The following AP4E1 variants were observed in gnomAD, a reference collection of about 807,000 sequenced individuals.
AP4E1 encodes the protein adaptor related protein complex 4 subunit epsilon 1, also known as AP-4 complex subunit epsilon-1.
In AP4E1, 56 loss-of-function variants were observed where a neutral mutation model predicts 128.2. The observed-to-expected ratio is 0.44, with a 90% confidence interval of 0.35 to 0.55. The LOEUF is 0.55. Ranked by LOEUF, AP4E1 falls within the 20% of genes least tolerant of loss-of-function variation. The probability of loss-of-function intolerance (pLI) is 0.00; values close to 1 mark genes in which losing one functional copy is unlikely to be tolerated. For synonymous variants in AP4E1, 484 were observed against 473.1 expected (o/e 1.02, Z -0.30); for missense variants, 1,324 against 1,307.7 (o/e 1.01, Z -0.19).
At chr15:50,996,178 AG>A (rs2064871141) in intron 17 of AP4E1, among the ~76,000 whole-genome samples, 1 of 106,272 alleles carries the variant, frequency 9.4e-6, no homozygotes, top group Non-Finnish European at 2.0e-5. Context: ...TTTTTTTTTC[AG>A]TAGAGACGGG....
At chr15:50,935,336 G>A (rs996554574) in intron 8 of AP4E1, among the ~76,000 whole-genome samples, 6 of 152,006 alleles carry the variant, frequency 3.9e-5, no homozygotes, top group African/African-American at 9.7e-5. Flanking sequence ...ATATATAGAC[G>A]TGGAATAATA....
chr15:50,980,118 T>C lies in AP4E1; in HGVS notation c.1967-3904T>C, dbSNP rs149984611. On this transcript the variant is annotated intron_variant, in intron 15 of 20. Transcript: ENST00000261842. ...TATTAAGTGTTCATGATCAGAAAGT[T>C]GTTAGAAATATGGGCTTCACTGTCT... Among the ~76,000 whole-genome samples, 326 of 152,302 alleles carry C rather than the reference T, an allele frequency of 2.1e-3. 2 individuals carry two copies. Among genetic ancestry groups the C allele is most frequent in the African/African-American group, 7.6e-3 (316 of 41,578 alleles).
At chr15:50,937,799 C>T (rs1225700614) in intron 8 of AP4E1, among the ~76,000 whole-genome samples, 4 of 152,134 alleles carry the variant, frequency 2.6e-5, no homozygotes, top group Admixed American at 2.0e-4. Flanking sequence ...GAGACAATGT[C>T]TCACCAGTCT....
intron 15 of AP4E1, among the ~76,000 whole-genome samples, chr15:50,980,011 G>A (rs925041357): frequency 3.9e-5 from 6 of 152,130 alleles, no homozygotes; most frequent in Non-Finnish European, 7.4e-5. Flanking sequence ...TTAGATTGCC[G>A]TAAACATAAT....
At chr15:50,965,718 T>C (rs1031602297) in intron 14 of AP4E1, among the ~76,000 whole-genome samples, 6 of 152,186 alleles carry the variant, frequency 3.9e-5, no homozygotes, top group Non-Finnish European at 8.8e-5. Context: ...TTATTCCTCC[T>C]CTATTTGAGA....
intron 10 of AP4E1, 109 bp from the exon 11 acceptor site, chr15:50,947,911 C>A: frequency 2.2e-6 from 2 of 892,914 alleles, no homozygotes; most frequent in Non-Finnish European, 3.4e-6. Context: ...CCCAGTAGAT[C>A]TCCATAAAAG....
At chr15:50,945,279 A>G (rs1235684409) in intron 10 of AP4E1, 9 of 782,560 alleles carry the variant, frequency 1.2e-5, no homozygotes, top group Non-Finnish European at 1.9e-5. Context: ...ATTTAACCCA[A>G]TCGAGACATT....
chr15:50,920,148 CT>C (rs1176818146), intron 3 of AP4E1, among the ~76,000 whole-genome samples: 4 of 121,172 alleles, frequency 3.3e-5, no homozygotes, highest in African/African-American at 1.3e-4. Context: ...GAGTCTCGCT[CT>C]TTCGCCCAGG....
At chr15:50,967,881 C>T (rs1354196628) in intron 14 of AP4E1, among the ~76,000 whole-genome samples, 2 of 152,204 alleles carry the variant, frequency 1.3e-5, no homozygotes, top group East Asian at 1.9e-4. Flanking sequence ...GGCACAGTCT[C>T]GGCTCACTGC....
rs1481401143 is a variant in AP4E1, at chr15:51,003,478, G to A, written c.*816G>A. 1 of 152,222 alleles carries A rather than the reference G, an allele frequency of 6.6e-6. No individual in the cohort carries two copies. Among genetic ancestry groups the A allele is most frequent in the Non-Finnish European group, 1.5e-5 (1 of 68,036 alleles). The allele number at this position is 152,222 out of a possible 1,614,324, so 9.4% of individuals were successfully genotyped here. A position where few individuals can be genotyped will look rare whatever the true frequency, so the allele number is the denominator to read the frequency against. On this transcript the variant is annotated 3_prime_UTR_variant, in exon 21 of 21. Coordinates refer to ENST00000261842, the MANE Select transcript of AP4E1 (RefSeq NM_007347.5). Reference sequence around the variant, plus strand: ...AATATTTTAGTTGGTTACTACTTAGGTCCTTTTGGCAAATGAAAATTTGTG... The same window carrying A: ...AATATTTTAGTTGGTTACTACTTAGATCCTTTTGGCAAATGAAAATTTGTG...
At chr15:50,910,783 G>A (rs763335543) in intron 1 of AP4E1, among the ~76,000 whole-genome samples, 2 of 152,158 alleles carry the variant, frequency 1.3e-5, no homozygotes, top group Non-Finnish European at 2.9e-5. Context: ...AGCCTCCCTG[G>A]TAGCTGGGAT....
intron 2 of AP4E1, among the ~76,000 whole-genome samples, chr15:50,913,626 T>G (rs2063591582): frequency 6.6e-6 from 1 of 152,248 alleles, no homozygotes. Context: ...GCATGAGATG[T>G]AATCTCACTT....
chr15:50,908,486 G>A (rs1353445897), upstream of AP4E1: 4 of 328,648 alleles, frequency 1.2e-5, no homozygotes, highest in Non-Finnish European at 2.2e-5. Flanking sequence ...GGCTTCCTCA[G>A]GAGGACTCAC....
intron 16 of AP4E1, 80 bp from the exon 17 acceptor site, chr15:50,993,278 CATGGGCATTGAT>C: frequency 7.4e-7 from 1 of 1,347,248 alleles, no homozygotes; most frequent in South Asian, 1.2e-5. Flanking sequence ...TTTAAAAGGC[CATGGGCATTGAT>C]ATGTTTTGAA....
chr15:50,945,441 C>G, intron 10 of AP4E1: 2 of 776,510 alleles, frequency 2.6e-6, no homozygotes, highest in African/African-American at 1.7e-5. Context: ...CAAATGAAGA[C>G]TATAACTTAC....
chr15:50,965,204 A>G (rs922717469), intron 14 of AP4E1, among the ~76,000 whole-genome samples: 1 of 152,178 alleles, frequency 6.6e-6, no homozygotes, highest in African/African-American at 2.4e-5. Flanking sequence ...TAGCAGTGCA[A>G]GAACGGACTA....
rs28682435 is a variant in AP4E1, at chr15:50,920,019, G to A, written c.347-3912G>A. Among the ~76,000 whole-genome samples the A allele has an allele frequency of 4.6e-3, 682 of 148,260 alleles. 9 individuals carry two copies. Among genetic ancestry groups the A allele is most frequent in the African/African-American group, 0.016 (662 of 40,138 alleles). On this transcript the variant is annotated intron_variant, in intron 3 of 20. Transcript: ENST00000261842. ...TTGAACCTGGGAGGCGGAGATTGTG[G>A]TAAGCTGAGATTGTGCCACTGCACT...
At position 50,909,337 on chromosome 15, in the gene AP4E1, T is replaced by G. The variant is rs535613444; in HGVS notation, c.150+409T>G. On this transcript the variant is annotated intron_variant, in intron 1 of 20. Coordinates refer to ENST00000261842, the MANE Select transcript of AP4E1 (RefSeq NM_007347.5). ...GACATTATTTACCTTCCACAAAGTTTTTTTTCCCTACTCAGTTTCCTTCTC... is the reference window on the plus strand; with the variant it reads ...GACATTATTTACCTTCCACAAAGTTGTTTTTCCCTACTCAGTTTCCTTCTC... 3.3e-5 allele frequency among the ~76,000 whole-genome samples: 5 copies of G among 152,300 alleles called. No homozygotes were observed. The South Asian group carries it at 1.0e-3, about 32-fold the overall frequency.
intron 9 of AP4E1, 22 bp downstream of exon 9, chr15:50,941,586 A>G (rs769053851): frequency 1.2e-6 from 2 of 1,612,558 alleles, no homozygotes; most frequent in East Asian, 4.5e-5. Context: ...GGTTCTTTTG[A>G]CAGAAATTAC....
Sources: allele counts gnomAD v4.1 joint callset (sites outside exome capture counted in the v4.1 genomes callset), GRCh38; gene constraint gnomAD v4.1.1; transcripts MANE v1.5; gene names NCBI Gene and HGNC (gene_info 2026-07-23, HGNC 2026-07-21).